Variants in NKAIN2 observed in about 807,000 individuals in gnomAD.
NKAIN2 encodes the protein sodium/potassium transporting ATPase interacting 2.
In NKAIN2, 14 loss-of-function variants were observed where a neutral mutation model predicts 32.6. That is an observed-to-expected ratio of 0.43 (90% confidence interval 0.28 to 0.67). NKAIN2 has a LOEUF of 0.67. NKAIN2 is among the 30% of genes least tolerant of loss of function. NKAIN2 has a pLI of 0.17. For synonymous variants in NKAIN2, 80 were observed against 87.2 expected (o/e 0.92, Z 0.46); for missense variants, 198 against 258.3 (o/e 0.77, Z 1.60).
chr6:124,199,155 T>G (rs1330479198), intron 1 of NKAIN2, among the ~76,000 whole-genome samples: 4 of 152,212 alleles, frequency 2.6e-5, no homozygotes, highest in African/African-American at 7.2e-5. Flanking sequence ...GACAGGATTT[T>G]GCTTGGCACA....
At chr6:124,488,796 C>A (rs757236405) in intron 3 of NKAIN2, among the ~76,000 whole-genome samples, 3 of 151,914 alleles carry the variant, frequency 2.0e-5, no homozygotes, top group African/African-American at 4.8e-5. Flanking sequence ...ACTGTCATAG[C>A]TTCTCTAAAA....
rs940168329 is a variant in NKAIN2 at position 124,602,389 on chromosome 6, A to G, written c.274-55797A>G. On this transcript the variant is annotated intron_variant, in intron 3 of 6. Coordinates refer to ENST00000368417, the MANE Select transcript of NKAIN2 (RefSeq NM_001040214.3). Reference sequence around the variant, plus strand: ...TCATTTATCCAGTTTTTTATTTGGAACAAGTATAAACGATGATTATTTAAC... The same window carrying G: ...TCATTTATCCAGTTTTTTATTTGGAGCAAGTATAAACGATGATTATTTAAC... Among the ~76,000 whole-genome samples, 3 of 152,132 alleles carry G rather than the reference A, an allele frequency of 2.0e-5. No individual in the cohort carries two copies. The East Asian group carries it at 5.8e-4, about 29-fold the overall frequency.
chr6:124,303,975 C>T (rs1796406363), intron 2 of NKAIN2, among the ~76,000 whole-genome samples: 2 of 152,082 alleles, frequency 1.3e-5, no homozygotes, highest in African/African-American at 4.8e-5. Context: ...GTGAAAATGC[C>T]ATTTACTGTA....
At chr6:124,499,086 G>A (rs150329246) in intron 3 of NKAIN2, among the ~76,000 whole-genome samples, 251 of 152,094 alleles carry the variant, frequency 1.7e-3, no homozygotes, top group African/African-American at 5.8e-3. Flanking sequence ...TATCTTTTCC[G>A]TAAACTACCT....
chr6:124,528,233 CT>C (rs1196807755), intron 3 of NKAIN2, among the ~76,000 whole-genome samples: 3 of 152,162 alleles, frequency 2.0e-5, no homozygotes, highest in African/African-American at 4.8e-5. Context: ...TATTCAAAAG[CT>C]GTAAGAAATG....
chr6:124,143,288 C>T (rs141016321), intron 1 of NKAIN2, among the ~76,000 whole-genome samples: 244 of 152,220 alleles, frequency 1.6e-3, no homozygotes, highest in Non-Finnish European at 2.6e-3. Flanking sequence ...TGAGAATTCA[C>T]GTCTACAGAA....
intron 2 of NKAIN2, among the ~76,000 whole-genome samples, chr6:124,300,439 C>A (rs1031850850): frequency 6.6e-6 from 1 of 152,112 alleles, no homozygotes; most frequent in Non-Finnish European, 1.5e-5. Context: ...TCAGGTGTGT[C>A]TTTACTAGCA....
intron 3 of NKAIN2, among the ~76,000 whole-genome samples, chr6:124,424,920 A>G (rs866245656): frequency 3.5e-4 from 54 of 152,310 alleles, no homozygotes; most frequent in African/African-American, 1.2e-3. Flanking sequence ...TTGAATATAT[A>G]CCCAGAAGAA....
intron 1 of NKAIN2, among the ~76,000 whole-genome samples, chr6:123,816,728 G>C (rs1773708294): frequency 6.6e-6 from 1 of 152,158 alleles, no homozygotes; most frequent in Non-Finnish European, 1.5e-5. Context: ...TTGAGAATAA[G>C]GAGGTGGGTA....
intron 2 of NKAIN2, among the ~76,000 whole-genome samples, chr6:124,319,050 T>C (rs972099193): frequency 6.6e-6 from 1 of 152,084 alleles, no homozygotes; most frequent in Non-Finnish European, 1.5e-5. Flanking sequence ...GGGCTATAGG[T>C]CCTATTTAGG....
intron 2 of NKAIN2, among the ~76,000 whole-genome samples, chr6:124,346,271 G>C (rs1798418411): frequency 6.6e-6 from 1 of 152,072 alleles, no homozygotes; most frequent in South Asian, 2.1e-4. Context: ...GTCAATTTTG[G>C]AATAGGTGTG....
At chr6:124,088,175 A>G (rs1209660092) in intron 1 of NKAIN2, among the ~76,000 whole-genome samples, 1 of 151,936 alleles carries the variant, frequency 6.6e-6, no homozygotes, top group African/African-American at 2.4e-5. Context: ...GCTACAAAAA[A>G]TGGTAATTTA....
chr6:124,153,075 A>G (rs1346051048), intron 1 of NKAIN2, among the ~76,000 whole-genome samples: 1 of 151,912 alleles, frequency 6.6e-6, no homozygotes, highest in East Asian at 1.9e-4. Flanking sequence ...AATAAGTACT[A>G]GTATTCAACA....
chr6:124,092,108 C>G (rs1175897816), intron 1 of NKAIN2, among the ~76,000 whole-genome samples: 1 of 152,024 alleles, frequency 6.6e-6, no homozygotes, highest in Non-Finnish European at 1.5e-5. Context: ...AAGTTATAGG[C>G]TTCCTAAAGA....
chr6:124,439,990 G>A (rs1427341287), intron 3 of NKAIN2, among the ~76,000 whole-genome samples: 2 of 152,004 alleles, frequency 1.3e-5, no homozygotes, highest in Non-Finnish European at 2.9e-5. Context: ...AGCAAATTTG[G>A]GTAGAGAACT....
rs1291847341 is a variant in NKAIN2 at position 124,407,485 on chromosome 6, G to C, written c.273+52138G>C. Reference sequence around the variant, plus strand: ...CTTGCAATAGTTTGCTGAGAATGATGGTTTCCAGCTTCATCCATGTCCCTG... The same window carrying C: ...CTTGCAATAGTTTGCTGAGAATGATCGTTTCCAGCTTCATCCATGTCCCTG... On this transcript the variant is annotated intron_variant, in intron 3 of 6. Coordinates refer to ENST00000368417, the MANE Select transcript of NKAIN2 (RefSeq NM_001040214.3). Among the ~76,000 whole-genome samples the C allele has an allele frequency of 8.5e-5, 13 of 152,060 alleles. 2 individuals carry two copies. The East Asian group carries it at 2.5e-3, about 29-fold the overall frequency.
intron 1 of NKAIN2, among the ~76,000 whole-genome samples, chr6:124,144,025 C>T (rs188567026): frequency 3.3e-4 from 50 of 152,258 alleles, no homozygotes; most frequent in African/African-American, 1.2e-3. Flanking sequence ...TGAAAATTTA[C>T]ATATCATTAT....
intron 1 of NKAIN2, among the ~76,000 whole-genome samples, chr6:123,853,708 TC>T (rs1314457923): frequency 6.6e-6 from 1 of 151,808 alleles, no homozygotes; most frequent in Non-Finnish European, 1.5e-5. Context: ...GCAAAATAAT[TC>T]ATTTATGTGA....
At chr6:124,758,231 G>T (rs1778055901) in intron 4 of NKAIN2, among the ~76,000 whole-genome samples, 1 of 152,046 alleles carries the variant, frequency 6.6e-6, no homozygotes, top group South Asian at 2.1e-4. Context: ...GTTACAAACA[G>T]CTGTAGAACT....
Sources: allele counts gnomAD v4.1 joint callset (sites outside exome capture counted in the v4.1 genomes callset), GRCh38; gene constraint gnomAD v4.1.1; transcripts MANE v1.5; gene names NCBI Gene and HGNC (gene_info 2026-07-23, HGNC 2026-07-21).